Variants in SPEF2 observed in about 807,000 individuals in gnomAD.
The protein encoded by SPEF2 is sperm flagella and cilia-associated protein 2.
Under a neutral mutation model 224.6 loss-of-function variants are expected in SPEF2, and 187 were observed. That is an observed-to-expected ratio of 0.83 (90% CI 0.74 to 0.94). The LOEUF is 0.94. Among genes scored for constraint, SPEF2 ranks in the 40% least tolerant of loss-of-function variants. SPEF2 has a pLI of 0.00. For synonymous variants in SPEF2, 715 were observed against 707.3 expected, an observed-to-expected ratio of 1.01 and a Z score of -0.17; for missense variants, 2,170 against 2,135.6, an observed-to-expected ratio of 1.02 and a Z score of -0.32.
At chr5:35,708,236 A>G (rs1461804004) in intron 18 of SPEF2, among the ~76,000 whole-genome samples, 1 of 152,136 alleles carries the variant, frequency 6.6e-6, no homozygotes, top group Non-Finnish European at 1.5e-5. Flanking sequence ...TTGAAGATGT[A>G]TGTACTGTGC....
chr5:35,640,912 C>A (rs745811745), intron 2 of SPEF2, among the ~76,000 whole-genome samples: 1 of 152,096 alleles, frequency 6.6e-6, no homozygotes, highest in Non-Finnish European at 1.5e-5. Flanking sequence ...AGCGCCACAT[C>A]TTTTTGGAAG....
chr5:35,709,901 A>G (rs1206790422), intron 19 of SPEF2: 7 of 985,298 alleles, frequency 7.1e-6, no homozygotes, highest in Non-Finnish European at 8.4e-6. Context: ...CAGTTACACC[A>G]TGTCTACCTA....
At chr5:35,733,099 G>GT (rs905393684) in intron 21 of SPEF2, among the ~76,000 whole-genome samples, 38 of 149,350 alleles carry the variant, frequency 2.5e-4, no homozygotes, top group Admixed American at 4.0e-4. Context: ...TACAACACAG[G>GT]TTTTTTTTTG....
At chr5:35,761,971 CAT>C (rs1464506102) in intron 25 of SPEF2, among the ~76,000 whole-genome samples, 1 of 152,098 alleles carries the variant, frequency 6.6e-6, no homozygotes, top group African/African-American at 2.4e-5. Context: ...ATCAACCTGT[CAT>C]ATATAAAGGG....
chr5:35,652,777 G>A (rs1206309638), intron 6 of SPEF2, among the ~76,000 whole-genome samples: 1 of 151,922 alleles, frequency 6.6e-6, no homozygotes, highest in African/African-American at 2.4e-5. Flanking sequence ...AAATATGCAG[G>A]TATTACATCA....
intron 29 of SPEF2, among the ~76,000 whole-genome samples, chr5:35,777,818 A>G (rs1753804658): frequency 6.6e-6 from 1 of 152,012 alleles, no homozygotes; most frequent in African/African-American, 2.4e-5. Flanking sequence ...GGTGGCGCGC[A>G]TCTGTTTTAG....
At chr5:35,637,953 T>G (rs191375609) in intron 2 of SPEF2, among the ~76,000 whole-genome samples, 1 of 152,290 alleles carries the variant, frequency 6.6e-6, no homozygotes, top group East Asian at 1.9e-4. Flanking sequence ...CGTAACCAGA[T>G]GTCCAATCCT....
At chr5:35,629,089 C>T (rs1200759311) in intron 2 of SPEF2, among the ~76,000 whole-genome samples, 2 of 150,654 alleles carry the variant, frequency 1.3e-5, no homozygotes, top group African/African-American at 4.9e-5. Flanking sequence ...TGCAGCAAGA[C>T]CTCATCTCTA....
chr5:35,620,672 T>C (rs965036289), intron 1 of SPEF2, among the ~76,000 whole-genome samples: 1 of 152,228 alleles, frequency 6.6e-6, no homozygotes, highest in African/African-American at 2.4e-5. Context: ...TGGTGCTTTA[T>C]TCATACTATG....
Position 35,684,682 on chromosome 5 carries a change from T to C in SPEF2, c.1525-6355T>C, listed in dbSNP as rs186993176. ...TTACAACAATCTGGTGAAATACATA[T>C]TGTTATTATGCTGCAAAGATGAATT... On this transcript the variant is annotated intron_variant, in intron 10 of 36. Coordinates refer to ENST00000356031, the MANE Select transcript of SPEF2 (RefSeq NM_024867.4). Among the ~76,000 whole-genome samples, 98 of 152,324 alleles carry C rather than the reference T, an allele frequency of 6.4e-4. No homozygotes were observed. The East Asian group carries it at 0.015, about 23-fold the overall frequency.
intron 10 of SPEF2, among the ~76,000 whole-genome samples, chr5:35,683,217 A>G (rs1481914992): frequency 6.6e-6 from 1 of 152,194 alleles, no homozygotes; most frequent in Non-Finnish European, 1.5e-5. Context: ...TAGACAGCAG[A>G]GTGGTAGGCC....
At chr5:35,732,858 G>A (rs568414631) in intron 21 of SPEF2, among the ~76,000 whole-genome samples, 1 of 152,260 alleles carries the variant, frequency 6.6e-6, no homozygotes, top group East Asian at 1.9e-4. Flanking sequence ...GAGAAAGAAA[G>A]AGCCTACAAT....
chr5:35,763,545 C>A lies in SPEF2; in HGVS notation c.3644C>A (p.Ser1215Tyr). The A allele has an allele frequency of 1.3e-6, 2 of 1,596,374 alleles. No individual in the cohort carries two copies. Among genetic ancestry groups the A allele is most frequent in the Non-Finnish European group, 1.7e-6 (2 of 1,174,244 alleles). Residue 1215 changes from serine to tyrosine, a missense_variant, in exon 26 of 37, where the codon TCC (serine) becomes TAC (tyrosine). Physicochemically the swap from Ser to Tyr is moderately radical, Grantham distance 144. Coordinates refer to ENST00000356031, the MANE Select transcript of SPEF2 (RefSeq NM_024867.4). ...QLRIPLVPRISISLETVTPKP... is the reference protein window; with the variant it reads ...QLRIPLVPRIYISLETVTPKP... ...AGAATTCCTCTAGTTCCTCGAATAT[C>A]CATTTCTCTGGAAACAGTTACACCC...
At chr5:35,781,015 G>A (rs758909920) in intron 30 of SPEF2, among the ~76,000 whole-genome samples, 4 of 152,006 alleles carry the variant, frequency 2.6e-5, no homozygotes, top group Non-Finnish European at 4.4e-5. Context: ...CTTGACATGT[G>A]TCTCAGAAGA....
chr5:35,666,101 C>T (rs879806617), intron 8 of SPEF2, among the ~76,000 whole-genome samples: 4 of 152,208 alleles, frequency 2.6e-5, no homozygotes, highest in Middle Eastern at 3.4e-3. Context: ...ATGACTTGCC[C>T]AAGGTCTCAC....
intron 33 of SPEF2, among the ~76,000 whole-genome samples, chr5:35,798,084 A>G (rs1220550729): frequency 2.0e-5 from 3 of 152,044 alleles, no homozygotes; most frequent in Non-Finnish European, 4.4e-5. Context: ...TCCCAGCCCT[A>G]TTGCCATCAC....
At chr5:35,793,621 A>G (rs1188523124) in intron 32 of SPEF2, among the ~76,000 whole-genome samples, 20 of 152,118 alleles carry the variant, frequency 1.3e-4, no homozygotes, top group Non-Finnish European at 8.8e-5. Context: ...TGAGTTCCTA[A>G]CCAGTAGTTC....
At chr5:35,655,950 G>GT (rs969336077) in intron 7 of SPEF2, among the ~76,000 whole-genome samples, 2 of 152,168 alleles carry the variant, frequency 1.3e-5, no homozygotes, top group African/African-American at 4.8e-5. Context: ...TGTAATTCAG[G>GT]TAAGAGATTA....
intron 29 of SPEF2, among the ~76,000 whole-genome samples, chr5:35,776,991 C>A (rs1336487854): frequency 6.6e-6 from 1 of 152,052 alleles, no homozygotes; most frequent in African/African-American, 2.4e-5. Context: ...GACCAGGAGC[C>A]CCATCTTGTC....
Sources: allele counts gnomAD v4.1 joint callset (sites outside exome capture counted in the v4.1 genomes callset), GRCh38; gene constraint gnomAD v4.1.1; transcripts MANE v1.5; gene names NCBI Gene and HGNC (gene_info 2026-07-23, HGNC 2026-07-21).